ATG5: variants seen among roughly 807,000 people sequenced by gnomAD.
The protein encoded by ATG5 is autophagy protein 5.
Under a neutral mutation model 36.5 loss-of-function variants are expected in ATG5, and 14 were observed. The observed-to-expected ratio is 0.38, with a 90% confidence interval of 0.25 to 0.60. The LOEUF (loss-of-function observed/expected upper bound fraction) is 0.60, where lower values mean the gene tolerates loss of function less well. Ranked by LOEUF, ATG5 falls within the 20% of genes least tolerant of loss-of-function variation. ATG5 has a pLI of 0.60. For missense variants in ATG5, 195 were observed against 326.7 expected, an observed-to-expected ratio of 0.60 and a Z score of 3.11; for synonymous variants, 95 against 101.5, an observed-to-expected ratio of 0.94 and a Z score of 0.38.
intron 6 of ATG5, among the ~76,000 whole-genome samples, chr6:106,228,009 A>T (rs1777511686): frequency 6.6e-6 from 1 of 152,236 alleles, no homozygotes. Context: ...GCATATCGTA[A>T]GAACCTAATC....
At position 106,292,414 on chromosome 6, in the gene ATG5, C is replaced by T. The variant is rs79454666; in HGVS notation, c.315+614G>A. On this transcript the variant is annotated intron_variant, in intron 4 of 7. Transcript: ENST00000369076. Reference sequence around the variant, plus strand: ...ATAAAATAATGAGACAAAATTAGGTCACACTAAATTCAGTCTGGTCTTAAA... The same window carrying T: ...ATAAAATAATGAGACAAAATTAGGTTACACTAAATTCAGTCTGGTCTTAAA... 9.3e-4 allele frequency among the ~76,000 whole-genome samples: 142 copies of T among 152,222 alleles called. 1 individual carries two copies. In the East Asian group the frequency reaches 0.026, roughly 28 times the overall value.
chr6:106,208,820 AAC>A (rs1776741740), intron 6 of ATG5, among the ~76,000 whole-genome samples: 1 of 152,250 alleles, frequency 6.6e-6, no homozygotes. Context: ...CCCAAAATTC[AAC>A]AGTTTTTAAA....
intron 4 of ATG5, among the ~76,000 whole-genome samples, chr6:106,285,310 T>C (rs1183645844): frequency 1.4e-4 from 21 of 152,224 alleles, no homozygotes; most frequent in Admixed American, 1.4e-3. Flanking sequence ...ATTTTTCCGG[T>C]AGTACCAAGA....
chr6:106,315,811 T>C (rs1770824930), intron 2 of ATG5, among the ~76,000 whole-genome samples: 1 of 152,092 alleles, frequency 6.6e-6, no homozygotes, highest in Non-Finnish European at 1.5e-5. Context: ...AAAAAGAAAG[T>C]CAAGAAGGCA....
chr6:106,223,741 C>G (rs1777339627), intron 6 of ATG5, among the ~76,000 whole-genome samples: 1 of 152,152 alleles, frequency 6.6e-6, no homozygotes, highest in Non-Finnish European at 1.5e-5. Flanking sequence ...AAACTACATA[C>G]ATGGTGAAAT....
At chr6:106,196,628 G>A (rs1776203401) in intron 7 of ATG5, among the ~76,000 whole-genome samples, 1 of 151,822 alleles carries the variant, frequency 6.6e-6, no homozygotes, top group South Asian at 2.1e-4. Flanking sequence ...CGTGACCGAA[G>A]CACAAGATTG....
At position 106,296,287 on chromosome 6, in the gene ATG5, A is replaced by C. The variant is rs550562995; in HGVS notation, c.237-3181T>G. Among the ~76,000 whole-genome samples, 7 of 151,744 alleles carry C rather than the reference A, an allele frequency of 4.6e-5. No individual in the cohort carries two copies. The South Asian group carries it at 1.5e-3, about 31-fold the overall frequency. On this transcript the variant is annotated intron_variant, in intron 3 of 7. Coordinates refer to ENST00000369076, the MANE Select transcript of ATG5 (RefSeq NM_004849.4). ...AGCTACTGGACACTTTTATAAATCT[A>C]AGATATATTTTAGGGTCTTAATGAT...
At chr6:106,211,506 C>T (rs924232974) in intron 6 of ATG5, among the ~76,000 whole-genome samples, 2 of 152,190 alleles carry the variant, frequency 1.3e-5, no homozygotes, top group East Asian at 3.9e-4. Flanking sequence ...GTCGGGAGTT[C>T]GAGGCCAGCC....
intron 5 of ATG5, among the ~76,000 whole-genome samples, chr6:106,276,464 CA>C (rs35078793): frequency 0.034 from 3,767 of 109,372 alleles, 64 homozygotes; most frequent in African/African-American, 0.077. Context: ...ACTCTGTCTC[CA>C]AAAAAAAAAA....
At chr6:106,202,641 C>T (rs961252185) in intron 6 of ATG5, among the ~76,000 whole-genome samples, 1 of 152,106 alleles carries the variant, frequency 6.6e-6, no homozygotes, top group Non-Finnish European at 1.5e-5. Flanking sequence ...GAAAGAAGTG[C>T]CATGATATCC....
intron 5 of ATG5, among the ~76,000 whole-genome samples, chr6:106,269,682 C>T (rs958658850): frequency 6.6e-6 from 1 of 152,222 alleles, no homozygotes; most frequent in Admixed American, 6.5e-5. Flanking sequence ...GCCGGCAGGG[C>T]CGGCCGGCTG....
chr6:106,185,943 GCTTT>G lies in ATG5; in HGVS notation c.*593_*596del, dbSNP rs1177746987. On this transcript the variant is annotated 3_prime_UTR_variant, in exon 8 of 8. Coordinates refer to ENST00000369076, the MANE Select transcript of ATG5 (RefSeq NM_004849.4). ...ATTAAATGACAAAACATATTTAGAG[GCTTT>G]ATTTAAAAATCTCTCACTGTTCATT... The G allele has an allele frequency of 1.3e-5, 2 of 152,696 alleles. No homozygotes were observed. The highest frequency in any genetic ancestry group is 4.8e-5 in the African/African-American group (2 of 41,408). The allele number at this position is 152,696 out of a possible 1,614,324, so 9.5% of individuals were successfully genotyped here.
At chr6:106,221,134 T>C (rs913824417) in intron 6 of ATG5, among the ~76,000 whole-genome samples, 3 of 152,202 alleles carry the variant, frequency 2.0e-5, no homozygotes, top group Non-Finnish European at 4.4e-5. Context: ...TTCTAAGGTA[T>C]AGGCTACCTC....
chr6:106,292,011 T>C (rs1410263955), intron 4 of ATG5, among the ~76,000 whole-genome samples: 1 of 152,198 alleles, frequency 6.6e-6, no homozygotes, highest in Admixed American at 6.5e-5. Context: ...GGGCAGTAAC[T>C]ATGAATGGAC....
intron 7 of ATG5, among the ~76,000 whole-genome samples, chr6:106,196,169 G>A (rs72943476): frequency 0.054 from 8,198 of 152,204 alleles, 378 homozygotes; most frequent in Non-Finnish European, 0.081. Flanking sequence ...AGACACTCAG[G>A]TTCCTAAGAT....
At position 106,224,702 on chromosome 6, in the gene ATG5, C is replaced by G. The variant is rs557226051; in HGVS notation, c.574-22613G>C. ...ACCAGCCTGACAAAGATGGAGAAAC[C>G]CTGTCTCCCCTGTCTGTACTAATAC... On this transcript the variant is annotated intron_variant, in intron 6 of 7. Transcript: ENST00000369076. Among the ~76,000 whole-genome samples the G allele has an allele frequency of 2.6e-5, 4 of 152,114 alleles. No homozygotes were observed. The East Asian group carries it at 7.7e-4, about 29-fold the overall frequency.
At chr6:106,307,259 C>A (rs1770482700) in intron 3 of ATG5, among the ~76,000 whole-genome samples, 1 of 152,204 alleles carries the variant, frequency 6.6e-6, no homozygotes, top group South Asian at 2.1e-4. Flanking sequence ...ATTCAGAGAG[C>A]AAGTCCATTT....
At chr6:106,304,935 T>C (rs906052141) in intron 3 of ATG5, among the ~76,000 whole-genome samples, 3 of 151,958 alleles carry the variant, frequency 2.0e-5, no homozygotes, top group South Asian at 4.2e-4. Flanking sequence ...CTACTACAAA[T>C]ACAAAAATTA....
At position 106,202,085 on chromosome 6, in the gene ATG5, G is replaced by A. The variant is rs746564375; in HGVS notation, c.578C>T (p.Thr193Met). The A allele has an allele frequency of 6.2e-6, 10 of 1,612,604 alleles. No individual in the cohort carries two copies. Among genetic ancestry groups the A allele is most frequent in the Admixed American group, 5.0e-5 (3 of 59,838 alleles). ...CTTCTGAATGAAAGGTCTTTCAGTC[G>A]TTGTCTATTTGAAAAAGGAAAAAAT... The part of the protein sequence containing the change: ...RYIPFRIYQT[T>M]TERPFIQKLF... The change falls in exon 7 of 8, where the codon ACG becomes ATG. Residue 193 changes from threonine (T) to methionine (M), a missense_variant. By Grantham distance (81) the Thr-to-Met change is moderately conservative. Transcript: ENST00000369076.
Sources: gnomAD v4.1 joint callset for allele counts (sites outside exome capture counted in the v4.1 genomes callset) on GRCh38, gnomAD v4.1.1 for gene constraint, MANE v1.5 for transcripts, NCBI Gene and HGNC (gene_info 2026-07-23, HGNC 2026-07-21) for gene names.